BTBD8: variants seen among roughly 807,000 people sequenced by gnomAD.
BTBD8 encodes the protein BTB/POZ domain-containing protein 8.
In BTBD8, 110 loss-of-function variants were observed where a neutral mutation model predicts 162.9. That is an observed-to-expected ratio of 0.68 (90% CI 0.58 to 0.79). The LOEUF (loss-of-function observed/expected upper bound fraction) is 0.79. Among genes scored for constraint, BTBD8 ranks in the 30% least tolerant of loss-of-function variants. BTBD8 has a pLI of 0.00. For synonymous variants in BTBD8, 667 were observed against 716.1 expected (o/e 0.93, Z 1.10); for missense variants, 1,905 against 2,085.4 (o/e 0.91, Z 1.68).
At chr1:92,152,482 G>A (rs1650067911) in intron 9 of BTBD8, among the ~76,000 whole-genome samples, 1 of 152,046 alleles carries the variant, frequency 6.6e-6, no homozygotes, top group African/African-American at 2.4e-5. Flanking sequence ...CCTGGTTAGA[G>A]GACAATTTTA....
intron 17 of BTBD8, 100 bp from the exon 18 acceptor site, chr1:92,183,764 T>TC: frequency 1.8e-6 from 1 of 550,458 alleles, no homozygotes; most frequent in Non-Finnish European, 2.9e-6. Flanking sequence ...TGTTTTTTTT[T>TC]TTTTTTGACT....
chr1:92,098,943 C>T (rs949652390), intron 2 of BTBD8, among the ~76,000 whole-genome samples: 6 of 152,062 alleles, frequency 3.9e-5, no homozygotes, highest in African/African-American at 9.7e-5. Flanking sequence ...TTTCTTTTGT[C>T]GCTGTGCTTT....
chr1:92,088,686 TA>T lies in BTBD8; in HGVS notation c.150-11del, dbSNP rs1363870057. The T allele has an allele frequency of 1.3e-6, 2 of 1,530,358 alleles. No homozygotes were observed. Among genetic ancestry groups the T allele is most frequent in the African/African-American group, 2.8e-5 (2 of 72,062 alleles). 94.8% of individuals were successfully genotyped at this position (1,530,358 alleles called of 1,614,324 possible). On this transcript the variant is annotated splice_polypyrimidine_tract_variant and intron_variant, in intron 1 of 17. Coordinates refer to ENST00000636805, the MANE Select transcript of BTBD8 (RefSeq NM_001376131.1). ...CACTAATTAAACTATGATTCCTTTT[TA>T]TTCCTTATAGGCTTCTAAGGGAAGA...
chr1:92,156,111 G>T (rs926376416), intron 9 of BTBD8, among the ~76,000 whole-genome samples: 4 of 152,126 alleles, frequency 2.6e-5, no homozygotes, highest in African/African-American at 9.7e-5. Flanking sequence ...TTCCTAACTT[G>T]TTGAGAGTTT....
chr1:92,098,349 C>T (rs1489424746), intron 2 of BTBD8, among the ~76,000 whole-genome samples: 4 of 152,012 alleles, frequency 2.6e-5, no homozygotes, highest in East Asian at 3.8e-4. Context: ...TGGGTTATTT[C>T]GGCTTTTTGG....
chr1:92,112,085 G>A (rs529971295), intron 4 of BTBD8, among the ~76,000 whole-genome samples: 1 of 152,112 alleles, frequency 6.6e-6, no homozygotes, highest in Admixed American at 6.6e-5. Context: ...GAGTGCTTTG[G>A]GGGGATTAAA....
chr1:92,117,779 C>T (rs573312433), intron 4 of BTBD8, among the ~76,000 whole-genome samples: 1 of 152,136 alleles, frequency 6.6e-6, no homozygotes, highest in East Asian at 1.9e-4. Flanking sequence ...AGGCTCTGCT[C>T]GTTTGTCCTT....
intron 9 of BTBD8, among the ~76,000 whole-genome samples, chr1:92,154,036 C>T (rs554003616): frequency 3.7e-4 from 56 of 152,252 alleles, no homozygotes; most frequent in African/African-American, 1.3e-3. Context: ...TAGTAGTTCA[C>T]ATGAGATCTG....
intron 5 of BTBD8, among the ~76,000 whole-genome samples, chr1:92,138,729 C>G (rs908503816): frequency 2.6e-5 from 4 of 152,136 alleles, no homozygotes; most frequent in African/African-American, 9.7e-5. Context: ...TAGCAGTGCT[C>G]TCAACAAGAT....
At position 92,137,341 on chromosome 1, in the gene BTBD8, G is replaced by A. The variant is rs148335464; in HGVS notation, c.753-2009G>A. Among the ~76,000 whole-genome samples, 266 of 152,222 alleles carry A rather than the reference G, an allele frequency of 1.7e-3. 3 individuals are homozygous for A. Among genetic ancestry groups the A allele is most frequent in the African/African-American group, 5.9e-3 (243 of 41,526 alleles). On this transcript the variant is annotated intron_variant, in intron 5 of 17. Transcript: ENST00000636805. ...ATGGGATGCAAGTGGAAGATTCCAG[G>A]CCAGAAACCTGTATGAGAGGATACG...
chr1:92,140,108 CAAAAAA>C (rs66840540), intron 6 of BTBD8, among the ~76,000 whole-genome samples: 1 of 109,392 alleles, frequency 9.1e-6, no homozygotes, highest in Non-Finnish European at 1.9e-5. Context: ...GACTCTGTCT[CAAAAAA>C]AAAAAAAAAA....
intron 5 of BTBD8, among the ~76,000 whole-genome samples, chr1:92,137,356 G>A (rs975795718): frequency 1.3e-5 from 2 of 152,184 alleles, no homozygotes; most frequent in African/African-American, 4.8e-5. Context: ...AAACCTGTAT[G>A]AGAGGATACG....
chr1:92,166,843 G>A, intron 9 of BTBD8, 115 bp from the exon 10 acceptor site: 1 of 987,878 alleles, frequency 1.0e-6, no homozygotes, highest in Non-Finnish European at 1.5e-6. Context: ...TTAGCTACCT[G>A]GAATTTTGTT....
chr1:92,141,957 G>A (rs1163072253), intron 7 of BTBD8, among the ~76,000 whole-genome samples: 2 of 152,120 alleles, frequency 1.3e-5, no homozygotes, highest in Non-Finnish European at 2.9e-5. Context: ...ATTCTAATTA[G>A]GTGGTTTTAA....
At chr1:92,172,611 G>C (rs538389654) in intron 13 of BTBD8, among the ~76,000 whole-genome samples, 1 of 152,232 alleles carries the variant, frequency 6.6e-6, no homozygotes, top group South Asian at 2.1e-4. Context: ...TCTAACCTCT[G>C]TGTGGTACAA....
intron 4 of BTBD8, among the ~76,000 whole-genome samples, chr1:92,125,017 A>G (rs1318536269): frequency 6.6e-6 from 1 of 152,200 alleles, no homozygotes; most frequent in Non-Finnish European, 1.5e-5. Flanking sequence ...TTAATTGACA[A>G]ACAGTAATTA....
chr1:92,168,096 TA>T, intron 11 of BTBD8, 111 bp downstream of exon 11: 3 of 852,672 alleles, frequency 3.5e-6, no homozygotes, highest in East Asian at 3.1e-5. Flanking sequence ...AGTGGATACC[TA>T]GGGGTGGATT....
intron 5 of BTBD8, among the ~76,000 whole-genome samples, chr1:92,138,791 A>G (rs1337766993): frequency 2.0e-5 from 3 of 152,232 alleles, no homozygotes; most frequent in Non-Finnish European, 4.4e-5. Context: ...GAAGAAGGTC[A>G]TGAATTTAGA....
chr1:92,127,650 C>T (rs1570733745), intron 4 of BTBD8, among the ~76,000 whole-genome samples: 1 of 152,116 alleles, frequency 6.6e-6, no homozygotes, highest in African/African-American at 2.4e-5. Flanking sequence ...TCTCTGCTCA[C>T]TGCAACCTCG....
Sources: allele counts gnomAD v4.1 joint callset (sites outside exome capture counted in the v4.1 genomes callset), GRCh38; gene constraint gnomAD v4.1.1; transcripts MANE v1.5; gene names NCBI Gene and HGNC (gene_info 2026-07-23, HGNC 2026-07-21).